Variants in EFR3A observed in about 807,000 individuals in gnomAD.
The protein encoded by EFR3A is protein EFR3 homolog A.
EFR3A carries 76 observed loss-of-function variants against 104.4 expected under a neutral mutation model. The ratio of observed to expected loss-of-function variants is 0.73; its 90% confidence interval spans 0.60 to 0.88. The LOEUF (loss-of-function observed/expected upper bound fraction) is 0.88, where lower values mean the gene tolerates loss of function less well. Ranked by LOEUF, EFR3A falls within the 40% of genes least tolerant of loss-of-function variation. The pLI is 0.00. For missense variants in EFR3A, 985 were observed against 1,012.5 expected (o/e 0.97, Z 0.37); for synonymous variants, 330 against 330.0 (o/e 1.00, Z 0.00).
intron 8 of EFR3A, among the ~76,000 whole-genome samples, chr8:131,960,224 C>T (rs1160663039): frequency 6.6e-6 from 1 of 152,144 alleles, no homozygotes; most frequent in Non-Finnish European, 1.5e-5. Flanking sequence ...TTACATATAG[C>T]TGATCCTTGA....
chr8:131,905,746 G>T (rs1408819327), intron 1 of EFR3A, among the ~76,000 whole-genome samples: 1 of 152,192 alleles, frequency 6.6e-6, no homozygotes, highest in African/African-American at 2.4e-5. Context: ...GAATATCTGA[G>T]ACTAGCACTA....
chr8:132,002,143 G>T (rs1821813922), intron 20 of EFR3A, among the ~76,000 whole-genome samples: 1 of 152,136 alleles, frequency 6.6e-6, no homozygotes, highest in Non-Finnish European at 1.5e-5. Context: ...AAATGGAAAA[G>T]GCTACAACAA....
chr8:131,930,543 A>C (rs1183960189), intron 1 of EFR3A, among the ~76,000 whole-genome samples: 4 of 151,506 alleles, frequency 2.6e-5, no homozygotes, highest in Non-Finnish European at 5.9e-5. Flanking sequence ...TGATAATTTC[A>C]CTTTTCCTTT....
At chr8:131,906,886 C>G (rs1816287777) in intron 1 of EFR3A, among the ~76,000 whole-genome samples, 2 of 152,176 alleles carry the variant, frequency 1.3e-5, no homozygotes, top group South Asian at 4.1e-4. Flanking sequence ...ATTCTCCATT[C>G]AAAGGACCAT....
At chr8:131,935,861 G>A (rs1817852255) in intron 1 of EFR3A, among the ~76,000 whole-genome samples, 1 of 151,722 alleles carries the variant, frequency 6.6e-6, no homozygotes, top group Admixed American at 6.6e-5. Flanking sequence ...TATTTTTAAA[G>A]GGGTCTTTTT....
intron 10 of EFR3A, among the ~76,000 whole-genome samples, chr8:131,973,902 TA>T (rs929363632): frequency 5.3e-5 from 8 of 151,712 alleles, no homozygotes; most frequent in African/African-American, 9.7e-5. Context: ...AATTTTAAGT[TA>T]AAAAAAAATC....
chr8:131,963,373 A>G (rs1348928588), intron 8 of EFR3A, among the ~76,000 whole-genome samples: 1 of 152,210 alleles, frequency 6.6e-6, no homozygotes, highest in African/African-American at 2.4e-5. Flanking sequence ...ATGCAATAAA[A>G]AATGATAAAG....
Position 131,984,122 on chromosome 8 carries a change from CTG to C in EFR3A, c.1576-15_1576-14del, listed in dbSNP as rs756366751. On this transcript the variant is annotated splice_polypyrimidine_tract_variant and intron_variant, in intron 14 of 22. Transcript: ENST00000254624. Reference sequence around the variant, plus strand: ...TTTTAAGCAAAATTACCTTTGTCCTCTGTCTTTTCTCCTCAGAATGGGCAACA... The same window carrying C: ...TTTTAAGCAAAATTACCTTTGTCCTCTCTTTTCTCCTCAGAATGGGCAACA... 2.5e-6 allele frequency: 4 copies of C among 1,580,986 alleles called. No individual in the cohort carries two copies. In the South Asian group the frequency reaches 4.8e-5, roughly 19 times the overall value.
intron 1 of EFR3A, 28 bp downstream of exon 1, chr8:131,904,350 G>A (rs995498525): frequency 4.0e-6 from 5 of 1,245,864 alleles, no homozygotes; most frequent in South Asian, 6.8e-5. Flanking sequence ...GGCCGGGGGC[G>A]TTGGGAGGCG....
chr8:131,920,953 T>G (rs1816987125), intron 1 of EFR3A, among the ~76,000 whole-genome samples: 1 of 152,206 alleles, frequency 6.6e-6, no homozygotes, highest in South Asian at 2.1e-4. Context: ...AGAATCAGAC[T>G]AGTAGATGAG....
intron 16 of EFR3A, among the ~76,000 whole-genome samples, chr8:131,985,816 G>GT (rs1243897350): frequency 6.6e-6 from 1 of 152,212 alleles, no homozygotes; most frequent in Non-Finnish European, 1.5e-5. Context: ...TGGAGACCTT[G>GT]TACACAGGCT....
At chr8:131,990,701 T>C (rs1250216262) in intron 18 of EFR3A, among the ~76,000 whole-genome samples, 3 of 152,182 alleles carry the variant, frequency 2.0e-5, no homozygotes, top group Non-Finnish European at 4.4e-5. Context: ...TTTATTTTGA[T>C]GGCATGTTAG....
chr8:131,933,230 G>A (rs926714432), intron 1 of EFR3A, among the ~76,000 whole-genome samples: 1 of 152,028 alleles, frequency 6.6e-6, no homozygotes, highest in South Asian at 2.1e-4. Context: ...TGGGACACCG[G>A]GGCGGTATAG....
At position 131,965,581 on chromosome 8, in the gene EFR3A, A is replaced by G. The variant is rs868313899; in HGVS notation, c.856-2714A>G. ...AAACAACAGGTGCTGGAGAGGATGT[A>G]GAGAAATAGGCACACTTTTACACTG... On this transcript the variant is annotated intron_variant, in intron 8 of 22. Coordinates refer to ENST00000254624, the MANE Select transcript of EFR3A (RefSeq NM_015137.6). 5.5e-3 allele frequency among the ~76,000 whole-genome samples: 839 copies of G among 152,268 alleles called. 10 individuals are homozygous for G. Among genetic ancestry groups the G allele is most frequent in the African/African-American group, 0.018 (760 of 41,562 alleles).
At chr8:131,975,972 T>C in intron 10 of EFR3A, 55 bp from the exon 11 acceptor site, 1 of 1,094,042 alleles carries the variant, frequency 9.1e-7, no homozygotes, top group Non-Finnish European at 1.3e-6. Flanking sequence ...AATTTTGTAT[T>C]ATATGGAAAA....
At chr8:132,002,102 C>T (rs1235890635) in intron 20 of EFR3A, among the ~76,000 whole-genome samples, 1 of 152,114 alleles carries the variant, frequency 6.6e-6, no homozygotes, top group Admixed American at 6.5e-5. Flanking sequence ...ATCATAAGAC[C>T]AAGAAAATTC....
intron 8 of EFR3A, among the ~76,000 whole-genome samples, chr8:131,962,624 C>G (rs527527561): frequency 6.6e-6 from 1 of 152,050 alleles, no homozygotes; most frequent in Non-Finnish European, 1.5e-5. Context: ...ACTTTAACAC[C>G]CCACTGTCAA....
chr8:131,912,036 G>A (rs1816537263), intron 1 of EFR3A, among the ~76,000 whole-genome samples: 1 of 152,218 alleles, frequency 6.6e-6, no homozygotes, highest in Non-Finnish European at 1.5e-5. Flanking sequence ...GGGGAAGAGC[G>A]ATTCTGGTTT....
chr8:131,907,227 C>T (rs758022012), intron 1 of EFR3A, among the ~76,000 whole-genome samples: 1 of 152,170 alleles, frequency 6.6e-6, no homozygotes, highest in Non-Finnish European at 1.5e-5. Flanking sequence ...CATCCTGTCA[C>T]AGAAATCTTT....
Sources: gnomAD v4.1 joint callset for allele counts (sites outside exome capture counted in the v4.1 genomes callset) on GRCh38, gnomAD v4.1.1 for gene constraint, MANE v1.5 for transcripts, NCBI Gene and HGNC (gene_info 2026-07-23, HGNC 2026-07-21) for gene names.